Variants in TXLNB observed in about 807,000 individuals in gnomAD.
The protein encoded by TXLNB is taxilin beta, also known as beta-taxilin.
A neutral mutation model predicts 57.4 loss-of-function variants in TXLNB; 37 were observed. The observed-to-expected ratio is 0.64, with a 90% CI of 0.50 to 0.85. The LOEUF (loss-of-function observed/expected upper bound fraction) is 0.85, where lower values mean the gene tolerates loss of function less well. Ranked by LOEUF, TXLNB falls within the 40% of genes least tolerant of loss-of-function variation. The pLI is 0.00. For missense variants in TXLNB, 848 were observed against 825.6 expected (o/e 1.03, Z -0.33); for synonymous variants, 302 against 309.6 (o/e 0.98, Z 0.26).
intron 6 of TXLNB, among the ~76,000 whole-genome samples, chr6:139,255,947 TG>T (rs1046868766): frequency 6.7e-5 from 10 of 148,552 alleles, no homozygotes; most frequent in Admixed American, 3.4e-4. Flanking sequence ...TCAGGGGTGG[TG>T]GTGCATGCCC....
the TXLNB span, among the ~76,000 whole-genome samples, chr6:139,230,615 G>A: frequency 2.0e-5 from 3 of 152,220 alleles, no homozygotes; most frequent in South Asian, 4.1e-4. Flanking sequence ...GGAATGGCAT[G>A]GAGAATTTCT....
At chr6:139,198,817 T>C in the TXLNB span, among the ~76,000 whole-genome samples, 4 of 152,150 alleles carry the variant, frequency 2.6e-5, no homozygotes, top group African/African-American at 9.7e-5. Flanking sequence ...CCCCTCAGCC[T>C]AGGGGTGGTA....
chr6:139,161,996 C>G, the TXLNB span, among the ~76,000 whole-genome samples: 1 of 152,214 alleles, frequency 6.6e-6, no homozygotes, highest in Non-Finnish European at 1.5e-5. Context: ...GATTACAGCT[C>G]TCTTTTTCAC....
intron 2 of TXLNB, among the ~76,000 whole-genome samples, chr6:139,281,264 G>C (rs1777040715): frequency 6.6e-6 from 1 of 152,028 alleles, no homozygotes; most frequent in African/African-American, 2.4e-5. Context: ...TGTTTGGATG[G>C]CATATTTGTT....
At chr6:139,298,651 A>G in the TXLNB span, among the ~76,000 whole-genome samples, 1 of 152,300 alleles carries the variant, frequency 6.6e-6, no homozygotes, top group African/African-American at 2.4e-5. Flanking sequence ...CCCCTAAAGC[A>G]GACTCCACTG....
chr6:139,297,257 A>G, the TXLNB span, among the ~76,000 whole-genome samples: 1 of 152,200 alleles, frequency 6.6e-6, no homozygotes, highest in Non-Finnish European at 1.5e-5. Flanking sequence ...TTATAGAAGA[A>G]AGAAGTCAGA....
chr6:139,285,255 T>G (rs1777143534), intron 2 of TXLNB, among the ~76,000 whole-genome samples: 1 of 84,520 alleles, frequency 1.2e-5, no homozygotes, highest in Admixed American at 1.5e-4. Flanking sequence ...ATCTTTCCCC[T>G]CAACACACAC....
chr6:139,236,715 C>T (rs557151065), downstream of TXLNB, among the ~76,000 whole-genome samples: 1 of 152,272 alleles, frequency 6.6e-6, no homozygotes, highest in East Asian at 1.9e-4. Flanking sequence ...AGCAATCCTC[C>T]TGCCTCAGCC....
chr6:139,213,253 AG>A, the TXLNB span, among the ~76,000 whole-genome samples: 2 of 152,236 alleles, frequency 1.3e-5, no homozygotes, highest in Non-Finnish European at 2.9e-5. Flanking sequence ...CAAATGTAAA[AG>A]AACAGAAATT....
chr6:139,186,595 A>G, the TXLNB span, among the ~76,000 whole-genome samples: 1 of 152,186 alleles, frequency 6.6e-6, no homozygotes, highest in East Asian at 1.9e-4. Context: ...TGCCTAACCT[A>G]TGTCCCATCC....
In TXLNB at chr6:139,262,572, T is replaced by C; in HGVS notation, c.882+7A>G. On this transcript the variant is annotated splice_region_variant and intron_variant, in intron 5 of 9. Transcript: ENST00000358430. ...TACTGTTCTAAGTTGTTTGATGTGG[T>C]TCTCACCTCCTCTCTGAGCTCATAC... 1 of 1,610,152 alleles carries C rather than the reference T, an allele frequency of 6.2e-7. No homozygotes were observed. The highest frequency in any genetic ancestry group is 8.5e-7 in the Non-Finnish European group (1 of 1,178,072).
the TXLNB span, chr6:139,166,561 C>A: frequency 1.9e-6 from 3 of 1,614,232 alleles, no homozygotes; most frequent in Non-Finnish European, 2.5e-6. Context: ...GTGGCCAGGG[C>A]CACTTGAAGA....
At chr6:139,235,554 C>T (rs1775826361), downstream of TXLNB, among the ~76,000 whole-genome samples, 1 of 152,026 alleles carries the variant, frequency 6.6e-6, no homozygotes, top group Admixed American at 6.6e-5. Context: ...CCCCATAATC[C>T]CTATCTGTCA....
intron 4 of TXLNB, among the ~76,000 whole-genome samples, chr6:139,270,236 C>T (rs1299814853): frequency 6.6e-6 from 1 of 152,084 alleles, no homozygotes; most frequent in Non-Finnish European, 1.5e-5. Context: ...CTAATTTTTT[C>T]CCAGCCACAC....
chr6:139,191,747 C>T, the TXLNB span, among the ~76,000 whole-genome samples: 3 of 152,080 alleles, frequency 2.0e-5, no homozygotes, highest in East Asian at 1.9e-4. Context: ...GGGTGTGGGG[C>T]GGTGTACCTG....
chr6:139,255,031 A>G (rs879753643), intron 7 of TXLNB, among the ~76,000 whole-genome samples: 1 of 152,194 alleles, frequency 6.6e-6, no homozygotes, highest in Middle Eastern at 3.2e-3. Flanking sequence ...CATGTTGGTC[A>G]GGCTGGTCTC....
chr6:139,159,553 A>G, the TXLNB span, among the ~76,000 whole-genome samples: 1 of 152,036 alleles, frequency 6.6e-6, no homozygotes, highest in African/African-American at 2.4e-5. Context: ...CTCTGTCCCG[A>G]CAGAGAAGGC....
chr6:139,255,693 A>G lies in TXLNB; in HGVS notation c.1003-55T>C, dbSNP rs377187778. The G allele has an allele frequency of 5.0e-6, 7 of 1,412,510 alleles. No homozygotes were observed. The African/African-American group carries it at 1.0e-4, about 20-fold the overall frequency. The allele number at this position is 1,412,510 out of a possible 1,614,324, so 87.5% of individuals were successfully genotyped here. On this transcript the variant is annotated intron_variant, in intron 6 of 9. Coordinates refer to ENST00000358430, the MANE Select transcript of TXLNB (RefSeq NM_153235.4). ...GGTCAGATTTGCCTTTTAGATTACT[A>G]TTTGGCTGTAATTTGTCTACAAAAC...
the TXLNB span, among the ~76,000 whole-genome samples, chr6:139,167,963 C>T: frequency 6.6e-6 from 1 of 152,132 alleles, no homozygotes; most frequent in Non-Finnish European, 1.5e-5. Flanking sequence ...TCTGTCAGTT[C>T]ATGTACAACT....
Sources: gnomAD v4.1 joint callset for allele counts (sites outside exome capture counted in the v4.1 genomes callset) on GRCh38, gnomAD v4.1.1 for gene constraint, MANE v1.5 for transcripts, NCBI Gene and HGNC (gene_info 2026-07-23, HGNC 2026-07-21) for gene names.